GABPB1: variants seen among roughly 807,000 people sequenced by gnomAD.
The protein encoded by GABPB1 is GA-binding protein subunit beta-1.
A neutral mutation model predicts 45.9 loss-of-function variants in GABPB1; 15 were observed. That is an observed-to-expected ratio of 0.33 (90% CI 0.22 to 0.50). GABPB1 has a LOEUF of 0.50. GABPB1 is among the 20% of genes least tolerant of loss of function. The probability of loss-of-function intolerance (pLI) is 0.98; values close to 1 mark genes in which losing one functional copy is unlikely to be tolerated. For missense variants in GABPB1, 252 were observed against 457.5 expected (o/e 0.55, Z 4.10); for synonymous variants, 143 against 154.4 (o/e 0.93, Z 0.55).
chr15:50,310,005 T>A (rs2047076331), intron 1 of GABPB1, among the ~76,000 whole-genome samples: 1 of 152,244 alleles, frequency 6.6e-6, no homozygotes, highest in South Asian at 2.1e-4. Flanking sequence ...AAGTTTTTAC[T>A]TAGAATAAAA....
intron 8 of GABPB1, among the ~76,000 whole-genome samples, chr15:50,281,295 T>A (rs1054333549): frequency 1.1e-4 from 17 of 152,184 alleles, no homozygotes; most frequent in Admixed American, 5.9e-4. Context: ...CACTGCAACC[T>A]CCACCTCCCG....
intron 6 of GABPB1, among the ~76,000 whole-genome samples, chr15:50,296,601 T>C (rs1367025671): frequency 2.6e-5 from 4 of 152,216 alleles, no homozygotes; most frequent in Admixed American, 6.6e-5. Context: ...TCCTCCTTTC[T>C]CTACTTAATA....
At chr15:50,300,953 G>C in intron 5 of GABPB1, 51 bp from the exon 6 acceptor site, 1 of 1,091,402 alleles carries the variant, frequency 9.2e-7, no homozygotes, top group Non-Finnish European at 1.4e-6. Flanking sequence ...TTAATCCAAT[G>C]CATATTTCTG....
chr15:50,298,690 T>C (rs1222189131), intron 6 of GABPB1, among the ~76,000 whole-genome samples: 1 of 152,194 alleles, frequency 6.6e-6, no homozygotes, highest in Non-Finnish European at 1.5e-5. Flanking sequence ...CAGTGGCTCA[T>C]GCCTGTAATC....
In GABPB1 at chr15:50,278,553, G is replaced by A; in HGVS notation, c.*79C>T. On this transcript the variant is annotated 3_prime_UTR_variant, in exon 9 of 9. Transcript: ENST00000380877. ...TCTTCTATCATTCTGTATTCCCATG[G>A]CTGTACCTTTGTTGTGTACAGTTCA... The A allele has an allele frequency of 8.8e-7, 1 of 1,138,406 alleles. No homozygotes were observed. Among genetic ancestry groups the A allele is most frequent in the Non-Finnish European group, 1.2e-6 (1 of 806,728 alleles). 70.5% of individuals were successfully genotyped at this position (1,138,406 alleles called of 1,614,324 possible). A position where few individuals can be genotyped will look rare whatever the true frequency, so the allele number is the denominator to read the frequency against.
At chr15:50,282,575 A>G (rs898950487) in intron 8 of GABPB1, among the ~76,000 whole-genome samples, 1 of 150,770 alleles carries the variant, frequency 6.6e-6, no homozygotes, top group East Asian at 1.9e-4. Flanking sequence ...AAAAAAAAAA[A>G]CAGAGACGGA....
chr15:50,299,588 G>A (rs62022565), intron 6 of GABPB1, among the ~76,000 whole-genome samples: 43,065 of 151,846 alleles, frequency 0.28, 7,509 homozygotes, highest in Middle Eastern at 0.42. Flanking sequence ...TAGCAGAGAC[G>A]GGATTTCTCC....
At chr15:50,353,053 A>G (rs1385358756) in intron 1 of GABPB1, 2 of 152,208 alleles carry the variant, frequency 1.3e-5, no homozygotes, top group Admixed American at 1.3e-4. Flanking sequence ...AACATGTTCT[A>G]TCTTTAAAGA....
intron 8 of GABPB1, chr15:50,285,838 T>C: frequency 7.7e-7 from 1 of 1,303,384 alleles, no homozygotes; most frequent in Non-Finnish European, 9.7e-7. Context: ...TCCAGTGTTA[T>C]CAAGATGACA....
At chr15:50,349,767 C>T (rs763970455) in intron 1 of GABPB1, 2 of 152,182 alleles carry the variant, frequency 1.3e-5, no homozygotes, top group Non-Finnish European at 2.9e-5. Context: ...AATTTCTCAG[C>T]TTATGCTAAC....
At chr15:50,286,381 A>C (rs2140977533) in intron 7 of GABPB1, among the ~76,000 whole-genome samples, 198 bp from the exon 8 acceptor site, 1 of 152,126 alleles carries the variant, frequency 6.6e-6, no homozygotes, top group South Asian at 2.1e-4. Context: ...ACTGAAATCT[A>C]CTTATTAAAG....
chr15:50,349,895 G>C (rs1029306256), intron 1 of GABPB1: 6 of 152,152 alleles, frequency 3.9e-5, no homozygotes, highest in Non-Finnish European at 8.8e-5. Context: ...ACAATCACCT[G>C]TAAAACTACA....
chr15:50,303,868 TAAAA>T, intron 3 of GABPB1, 94 bp downstream of exon 3: 2 of 893,010 alleles, frequency 2.2e-6, no homozygotes, highest in Non-Finnish European at 3.4e-6. Context: ...ATACTATAGA[TAAAA>T]TACTAAGTAG....
chr15:50,338,361 C>A (rs114342888), intron 1 of GABPB1, among the ~76,000 whole-genome samples: 3,119 of 151,506 alleles, frequency 0.021, 107 homozygotes, highest in African/African-American at 0.072. Context: ...TTAAGTAGCA[C>A]CCAACATGTT....
intron 6 of GABPB1, among the ~76,000 whole-genome samples, chr15:50,300,433 TTGG>T (rs1356569193): frequency 0.074 from 5,491 of 74,262 alleles, 1,551 homozygotes; most frequent in African/African-American, 0.22. Context: ...GCAACTGTTT[TTGG>T]TTTTTTTTTT....
chr15:50,354,635 C>A (rs573824340), intron 1 of GABPB1: 22 of 438,538 alleles, frequency 5.0e-5, no homozygotes, highest in South Asian at 3.5e-4. Context: ...GCGACCCCAT[C>A]GCCACCCCGG....
chr15:50,303,004 C>A lies in GABPB1; in HGVS notation c.396G>T (p.Thr132=), dbSNP rs760855742. ...ATGCAGTTTTACAAAATTTACTTTG[C>A]GTGTGTACATCAGCACCATATTTGA... ...LLIKYGADVH[T]QSKFCKTAFD... The change falls in exon 4 of 9, where the codon ACG becomes ACT. Residue 132 remains threonine, a synonymous_variant. Transcript: ENST00000380877. 5 of 1,613,552 alleles carry A rather than the reference C, an allele frequency of 3.1e-6. No homozygotes were observed. In the East Asian group the frequency reaches 1.1e-4, roughly 36 times the overall value.
chr15:50,309,399 C>CT (rs2047053123), intron 2 of GABPB1, among the ~76,000 whole-genome samples: 1 of 152,072 alleles, frequency 6.6e-6, no homozygotes, highest in South Asian at 2.1e-4. Flanking sequence ...TTTATAAGGC[C>CT]TTTAAATTAA....
intron 1 of GABPB1, chr15:50,353,332 A>G (rs1341374709): frequency 6.6e-6 from 1 of 152,160 alleles, no homozygotes; most frequent in African/African-American, 2.4e-5. Context: ...CTTGCATAAC[A>G]GCTTGATTTG....
Sources: allele counts gnomAD v4.1 joint callset (sites outside exome capture counted in the v4.1 genomes callset), GRCh38; gene constraint gnomAD v4.1.1; transcripts MANE v1.5; gene names NCBI Gene and HGNC (gene_info 2026-07-23, HGNC 2026-07-21).